Variants in UTRN observed in about 807,000 individuals in gnomAD.
UTRN encodes the protein utrophin, also known as dystrophin-related protein 1.
In UTRN, 283 loss-of-function variants were observed where a neutral mutation model predicts 463.9. The observed-to-expected ratio is 0.61, with a 90% CI of 0.55 to 0.67. The LOEUF is 0.67. Ranked by LOEUF, UTRN falls within the 30% of genes least tolerant of loss-of-function variation. UTRN has a pLI of 0.00. For missense variants in UTRN, 3,922 were observed against 4,084.3 expected (o/e 0.96, Z 1.08); for synonymous variants, 1,442 against 1,431.5 (o/e 1.01, Z -0.17).
In UTRN at chr6:144,465,340, T is replaced by C. The variant is rs199992470; in HGVS notation, c.3066+2474T>C. ...AAAATACAAAAGAGTCCTGTGGTTA[T>C]AGTAATCCAGCTTTAAGCTTTGGTG... On this transcript the variant is annotated intron_variant, in intron 23 of 74. Coordinates refer to ENST00000367545, the MANE Select transcript of UTRN (RefSeq NM_007124.3). Among the ~76,000 whole-genome samples, 3 of 152,228 alleles carry C rather than the reference T, an allele frequency of 2.0e-5. No homozygotes were observed. The East Asian group carries it at 5.8e-4, about 29-fold the overall frequency.
At chr6:144,808,827 T>A (rs1188179706) in intron 65 of UTRN, among the ~76,000 whole-genome samples, 6 of 152,120 alleles carry the variant, frequency 3.9e-5, no homozygotes, top group Non-Finnish European at 8.8e-5. Context: ...CAGGCTCATC[T>A]AAGTTATTGC....
rs144471854 is a variant in UTRN at position 144,704,010 on chromosome 6, A to C, written c.7809+3767A>C. ...AAGTGGGAAGAATCAGTGATGCAGG[A>C]GAGAGGATACCAGCTCAAACAGTGG... On this transcript the variant is annotated intron_variant, in intron 53 of 74. Coordinates refer to ENST00000367545, the MANE Select transcript of UTRN (RefSeq NM_007124.3). Among the ~76,000 whole-genome samples, 407 of 152,326 alleles carry C rather than the reference A, an allele frequency of 2.7e-3. 2 individuals carry two copies. Among genetic ancestry groups the C allele is most frequent in the African/African-American group, 9.1e-3 (377 of 41,582 alleles).
chr6:144,445,059 A>G (rs76878947), intron 14 of UTRN, among the ~76,000 whole-genome samples: 3,018 of 152,288 alleles, frequency 0.02, 103 homozygotes, highest in African/African-American at 0.069. Flanking sequence ...TTAAAAAATA[A>G]GTAGATACTG....
intron 51 of UTRN, among the ~76,000 whole-genome samples, chr6:144,605,515 C>T (rs1431507928): frequency 6.6e-6 from 1 of 151,664 alleles, no homozygotes; most frequent in African/African-American, 2.4e-5. Context: ...ATAACTTTTC[C>T]ATTACCATTC....
chr6:144,603,975 A>G (rs971371308), intron 51 of UTRN, among the ~76,000 whole-genome samples: 2 of 152,216 alleles, frequency 1.3e-5, no homozygotes, highest in Admixed American at 6.5e-5. Flanking sequence ...TGTTTGAAAT[A>G]TGATGCTTTC....
chr6:144,485,805 C>A lies in UTRN; in HGVS notation c.3822+286C>A, dbSNP rs372400245. On this transcript the variant is annotated intron_variant, in intron 28 of 74. Transcript: ENST00000367545. ...GTTTTCCAGTTTATTTTAGTAGGCC[C>A]TGGACAAAGCTCTGCCATATGTTAT... 1.2e-4 allele frequency among the ~76,000 whole-genome samples: 19 copies of A among 152,284 alleles called. No individual in the cohort carries two copies. In the East Asian group the frequency reaches 3.5e-3, roughly 28 times the overall value.
intron 41 of UTRN, among the ~76,000 whole-genome samples, chr6:144,527,832 A>G (rs1796694126): frequency 6.6e-6 from 1 of 151,982 alleles, no homozygotes; most frequent in Non-Finnish European, 1.5e-5. Context: ...TTGATTTCCA[A>G]AAGTTGTTTT....
intron 51 of UTRN, among the ~76,000 whole-genome samples, chr6:144,641,153 T>C (rs1388769238): frequency 6.6e-6 from 1 of 152,166 alleles, no homozygotes; most frequent in Admixed American, 6.5e-5. Context: ...CCTGAGGACA[T>C]GTACCCAAGG....
At chr6:144,485,628 GT>G in intron 28 of UTRN, 109 bp downstream of exon 28, 1 of 1,488,206 alleles carries the variant, frequency 6.7e-7, no homozygotes. Context: ...TGCTTCCTCA[GT>G]GGTTTTCAAT....
At chr6:144,426,533 A>C in intron 7 of UTRN, 74 bp downstream of exon 7, 3 of 1,438,600 alleles carry the variant, frequency 2.1e-6, no homozygotes, top group Non-Finnish European at 2.8e-6. Context: ...TGCCACCACT[A>C]CTCCCTGAAG....
At chr6:144,403,562 G>T (rs1241873416) in intron 3 of UTRN, among the ~76,000 whole-genome samples, 1 of 152,080 alleles carries the variant, frequency 6.6e-6, no homozygotes, top group Non-Finnish European at 1.5e-5. Context: ...TATAATTCAG[G>T]CAGTCTTTCT....
intron 2 of UTRN, among the ~76,000 whole-genome samples, chr6:144,391,967 T>A (rs1213617636): frequency 6.6e-6 from 1 of 152,202 alleles, no homozygotes; most frequent in Admixed American, 6.5e-5. Flanking sequence ...AGGTCATAGT[T>A]AAAGTAAATG....
intron 41 of UTRN, among the ~76,000 whole-genome samples, chr6:144,526,351 A>G (rs1796567747): frequency 6.6e-6 from 1 of 152,204 alleles, no homozygotes; most frequent in African/African-American, 2.4e-5. Flanking sequence ...ATTGTTTTAC[A>G]AACTTGGGAG....
chr6:144,516,805 A>G lies in UTRN; in HGVS notation c.5404-6A>G. On this transcript the variant is annotated splice_polypyrimidine_tract_variant and splice_region_variant and intron_variant, in intron 38 of 74. Transcript: ENST00000367545. ...AGTCATTTTTTTTTTCCTTTTAAAA[A>G]TTTAGATGGATGAGGAGAGTGCCCA... The G allele has an allele frequency of 6.9e-7, 1 of 1,443,852 alleles. No individual in the cohort carries two copies. The highest frequency in any genetic ancestry group is 1.7e-5 in the South Asian group (1 of 59,588). 89.4% of individuals were successfully genotyped at this position (1,443,852 alleles called of 1,614,324 possible).
chr6:144,452,205 G>T (rs141897702), intron 18 of UTRN, among the ~76,000 whole-genome samples: 2 of 152,148 alleles, frequency 1.3e-5, no homozygotes, highest in African/African-American at 4.8e-5. Flanking sequence ...CAAAATAAAC[G>T]GTGTTTCTTA....
At chr6:144,750,190 T>C (rs1269943509) in intron 55 of UTRN, among the ~76,000 whole-genome samples, 2 of 141,416 alleles carry the variant, frequency 1.4e-5, no homozygotes, top group Admixed American at 1.4e-4. Flanking sequence ...TCCTTCCCTG[T>C]GCTTCTATAT....
In UTRN at chr6:144,797,886, G is replaced by A; in HGVS notation, c.9141G>A (p.Gln3047=). Residue 3047 remains glutamine (Q), a synonymous_variant, in exon 64 of 75, where the codon CAG becomes CAA. Coordinates refer to ENST00000367545, the MANE Select transcript of UTRN (RefSeq NM_007124.3). ...TAGATTGGATGCATTTGGAACCACA[G>A]TCCATGGTTTGGCTCCCAGTTTTAC... The part of the protein sequence containing the change: ...EFIDWMHLEP[Q]SMVWLPVLHR... The A allele has an allele frequency of 6.2e-7, 1 of 1,614,170 alleles. No homozygotes were observed. Among genetic ancestry groups the A allele is most frequent in the South Asian group, 1.1e-5 (1 of 91,084 alleles).
intron 64 of UTRN, among the ~76,000 whole-genome samples, chr6:144,801,605 A>G (rs529572071): frequency 6.6e-6 from 1 of 152,290 alleles, no homozygotes; most frequent in East Asian, 1.9e-4. Context: ...TTCCAAATAA[A>G]ATGTTAATGA....
At chr6:144,314,643 G>C (rs755770031) in intron 2 of UTRN, among the ~76,000 whole-genome samples, 1 of 152,160 alleles carries the variant, frequency 6.6e-6, no homozygotes, top group African/African-American at 2.4e-5. Flanking sequence ...AGAGGAGTTT[G>C]GGACAGTACC....
Sources: gnomAD v4.1 joint callset for allele counts (sites outside exome capture counted in the v4.1 genomes callset) on GRCh38, gnomAD v4.1.1 for gene constraint, MANE v1.5 for transcripts, NCBI Gene and HGNC (gene_info 2026-07-23, HGNC 2026-07-21) for gene names.